Variants in GCNT2 observed in about 807,000 individuals in gnomAD.
The protein encoded by GCNT2 is N-acetyllactosaminide beta-1,6-N-acetylglucosaminyl-transferase.
A neutral mutation model predicts 34.2 loss-of-function variants in GCNT2; 34 were observed. That is an observed-to-expected ratio of 1.00 (90% CI 0.76 to 1.32). The LOEUF (loss-of-function observed/expected upper bound fraction) is 1.32, where lower values mean the gene tolerates loss of function less well. Ranked by LOEUF, GCNT2 falls within the 40% of genes most tolerant of loss-of-function variation. GCNT2 has a pLI of 0.00. For synonymous variants in GCNT2, 212 were observed against 188.0 expected (o/e 1.13, Z -1.04); for missense variants, 584 against 489.4 (o/e 1.19, Z -1.82).
Position 10,611,480 on chromosome 6 carries a change from G to A in GCNT2, c.926-9871G>A, listed in dbSNP as rs1006428211. On this transcript the variant is annotated intron_variant, in intron 3 of 4. Transcript: ENST00000495262. Reference sequence around the variant, plus strand: ...CAAGTAGCTGGGACTACAGGTGTGCGCCACCACGCCCGGCTAATTTTTGTA... The same window carrying A: ...CAAGTAGCTGGGACTACAGGTGTGCACCACCACGCCCGGCTAATTTTTGTA... Among the ~76,000 whole-genome samples, 9 of 152,016 alleles carry A rather than the reference G, an allele frequency of 5.9e-5. No homozygotes were observed. In the East Asian group the frequency reaches 7.8e-4, roughly 13 times the overall value.
intron 4 of GCNT2, among the ~76,000 whole-genome samples, chr6:10,625,780 C>T (rs1306236913): frequency 6.6e-6 from 1 of 152,118 alleles, no homozygotes; most frequent in African/African-American, 2.4e-5. Context: ...ACAGACAGTA[C>T]CGAACTCTAA....
chr6:10,583,415 G>C (rs1309058692), intron 3 of GCNT2, among the ~76,000 whole-genome samples: 1 of 152,066 alleles, frequency 6.6e-6, no homozygotes, highest in South Asian at 2.1e-4. Context: ...ATGGGAGCAG[G>C]GCCCACTCTT....
chr6:10,563,777 A>AATATATAT (rs70991026), intron 3 of GCNT2, among the ~76,000 whole-genome samples: 138 of 24,698 alleles, frequency 5.6e-3, no homozygotes, highest in Middle Eastern at 0.031. Context: ...AAAAAAAAAA[A>AATATATAT]ATATATATAT....
intron 3 of GCNT2, chr6:10,573,171 C>CATT: frequency 1.0e-6 from 1 of 980,462 alleles, no homozygotes; most frequent in African/African-American, 1.8e-5. Context: ...AGATATGGAT[C>CATT]TCTGGCAGCA....
intron 3 of GCNT2, among the ~76,000 whole-genome samples, chr6:10,580,696 G>C (rs1268083021): frequency 6.6e-6 from 1 of 152,030 alleles, no homozygotes; most frequent in Non-Finnish European, 1.5e-5. Context: ...GGTCCGACTC[G>C]GGTTCCAGTC....
intron 3 of GCNT2, among the ~76,000 whole-genome samples, chr6:10,577,298 C>G (rs1358667232): frequency 6.6e-6 from 1 of 152,176 alleles, no homozygotes; most frequent in Non-Finnish European, 1.5e-5. Flanking sequence ...AGACGCCTCC[C>G]GCGGCTCCTG....
chr6:10,539,555 G>C lies in GCNT2; in HGVS notation c.925+9719G>C, dbSNP rs1761944711. On this transcript the variant is annotated intron_variant, in intron 3 of 4. Transcript: ENST00000495262. ...AGCCTGATTCTTCATCTATATCCTGGGGATAAAATATCTCTTTGTAGGACT... is the reference window on the plus strand; with the variant it reads ...AGCCTGATTCTTCATCTATATCCTGCGGATAAAATATCTCTTTGTAGGACT... Among the ~76,000 whole-genome samples, 5 of 151,888 alleles carry C rather than the reference G, an allele frequency of 3.3e-5. No homozygotes were observed. The South Asian group carries it at 1.0e-3, about 32-fold the overall frequency.
At chr6:10,531,040 C>T (rs1386684252) in intron 3 of GCNT2, among the ~76,000 whole-genome samples, 4 of 95,800 alleles carry the variant, frequency 4.2e-5, no homozygotes, top group Non-Finnish European at 8.5e-5. Context: ...GACTCTGTCT[C>T]AAAAAAAAAA....
intron 3 of GCNT2, among the ~76,000 whole-genome samples, chr6:10,579,826 C>CAAACAA (rs1477297545): frequency 3.6e-4 from 32 of 89,902 alleles, no homozygotes; most frequent in African/African-American, 1.4e-3. Context: ...AAAAAACAAA[C>CAAACAA]AAAAAAAAAA....
chr6:10,574,741 A>G, intron 3 of GCNT2: 1 of 539,178 alleles, frequency 1.9e-6, no homozygotes, highest in Non-Finnish European at 3.5e-6. Flanking sequence ...TTTTTTTAAC[A>G]CCTATGATGC....
chr6:10,617,998 G>C (rs916500604), intron 3 of GCNT2, among the ~76,000 whole-genome samples: 1 of 149,050 alleles, frequency 6.7e-6, no homozygotes, highest in Non-Finnish European at 1.5e-5. Context: ...CAGGTGATCC[G>C]CCCGCCTCGG....
chr6:10,557,034 A>T, intron 3 of GCNT2: 1 of 1,613,092 alleles, frequency 6.2e-7, no homozygotes, highest in Non-Finnish European at 8.5e-7. Context: ...ATAGTTCAGT[A>T]TCTGAAAGGA....
chr6:10,537,720 AAAAAAAC>A lies in GCNT2; in HGVS notation c.925+7889_925+7895del, dbSNP rs1561784282. 1.2e-4 allele frequency among the ~76,000 whole-genome samples: 17 copies of A among 144,874 alleles called. 1 individual carries two copies. The highest frequency in any genetic ancestry group is 4.2e-4 in the African/African-American group (16 of 37,748). ...CCGCAAAAAAAAAAAAAAAAAAAAAAAAAAAACAAAACAAAGAAAACGAAAGAAAATG... is the reference window on the plus strand; with the variant it reads ...CCGCAAAAAAAAAAAAAAAAAAAAAAAAAACAAAGAAAACGAAAGAAAATG... On this transcript the variant is annotated intron_variant, in intron 3 of 4. Coordinates refer to ENST00000495262, the MANE Select transcript of GCNT2 (RefSeq NM_145649.5).
intron 3 of GCNT2, among the ~76,000 whole-genome samples, chr6:10,577,087 A>G (rs1000839683): frequency 1.3e-5 from 2 of 152,238 alleles, no homozygotes; most frequent in Non-Finnish European, 2.9e-5. Flanking sequence ...TTAAAAAATT[A>G]AATGAAAATG....
At chr6:10,574,936 T>C in intron 3 of GCNT2, 1 of 718,470 alleles carries the variant, frequency 1.4e-6, no homozygotes, top group Non-Finnish European at 2.6e-6. Flanking sequence ...GCTCTTAGAG[T>C]GCTTAATGTG....
intron 3 of GCNT2, among the ~76,000 whole-genome samples, chr6:10,585,398 C>G (rs1403099635): frequency 1.3e-5 from 2 of 151,958 alleles, no homozygotes; most frequent in Non-Finnish European, 2.9e-5. Context: ...ACAGATAACA[C>G]TAAAATGAAA....
chr6:10,622,812 C>T (rs117387545), intron 4 of GCNT2, among the ~76,000 whole-genome samples: 1,353 of 131,876 alleles, frequency 0.01, 22 homozygotes, highest in East Asian at 0.076. Flanking sequence ...AGAGCAGTGG[C>T]GCCATCTCAG....
intron 3 of GCNT2, among the ~76,000 whole-genome samples, chr6:10,590,008 G>A (rs1340779022): frequency 2.0e-5 from 3 of 152,178 alleles, no homozygotes; most frequent in Admixed American, 1.3e-4. Context: ...TTGCCCCACA[G>A]CATCCAACCG....
In GCNT2 at chr6:10,626,413, G is replaced by T. The variant is rs76385843; in HGVS notation, c.1019-4G>T. 11 of 1,606,178 alleles carry T rather than the reference G, an allele frequency of 6.8e-6. No individual in the cohort carries two copies. Among genetic ancestry groups the T allele is most frequent in the Admixed American group, 1.7e-5 (1 of 59,964 alleles). On this transcript the variant is annotated splice_polypyrimidine_tract_variant and splice_region_variant and intron_variant, in intron 4 of 4. Coordinates refer to ENST00000495262, the MANE Select transcript of GCNT2 (RefSeq NM_145649.5). ...GACTCTGTTTCTTGTTCTTTCTTTT[G>T]CAGGCCACTATGTACATGGTATTTG...
Sources: allele counts gnomAD v4.1 joint callset (sites outside exome capture counted in the v4.1 genomes callset), GRCh38; gene constraint gnomAD v4.1.1; transcripts MANE v1.5; gene names NCBI Gene and HGNC (gene_info 2026-07-23, HGNC 2026-07-21).